NGF: variants seen among roughly 807,000 people sequenced by gnomAD.
The protein encoded by NGF is nerve growth factor.
In NGF, 4 loss-of-function variants were observed where a neutral mutation model predicts 12.8. The observed-to-expected ratio is 0.31, with a 90% CI of 0.15 to 0.72. The LOEUF is 0.72. Among genes scored for constraint, NGF ranks in the 30% least tolerant of loss-of-function variants. The pLI is 0.69. For missense variants in NGF, 283 were observed against 330.8 expected (o/e 0.86, Z 1.12); for synonymous variants, 140 against 130.0 (o/e 1.08, Z -0.52).
chr1:115,333,661 CTT>C (rs1011042958), intron 1 of NGF, among the ~76,000 whole-genome samples: 14 of 24,462 alleles, frequency 5.7e-4, no homozygotes, highest in African/African-American at 3.2e-3. Context: ...CTTTCTCTTT[CTT>C]TCTTTCTTTC....
At chr1:115,288,990 C>G (rs939735072) in intron 2 of NGF, among the ~76,000 whole-genome samples, 1 of 152,176 alleles carries the variant, frequency 6.6e-6, no homozygotes, top group Non-Finnish European at 1.5e-5. Flanking sequence ...TGGTGAGATA[C>G]CAAGAAGGAA....
intron 1 of NGF, among the ~76,000 whole-genome samples, chr1:115,324,590 G>A (rs1406639908): frequency 6.6e-6 from 1 of 152,040 alleles, no homozygotes; most frequent in Non-Finnish European, 1.5e-5. Flanking sequence ...GGACCCCTGA[G>A]CCCTTCAGCT....
At chr1:115,337,261 G>GTTTTTTT (rs368973980) in intron 1 of NGF, among the ~76,000 whole-genome samples, 16 of 11,762 alleles carry the variant, frequency 1.4e-3, no homozygotes, top group Non-Finnish European at 2.1e-3. Flanking sequence ...TTTTTGTTTT[G>GTTTTTTT]TTTTTGTTTT....
chr1:115,289,232 GTTC>G (rs1156659009), intron 2 of NGF, among the ~76,000 whole-genome samples: 2 of 152,168 alleles, frequency 1.3e-5, no homozygotes, highest in South Asian at 4.2e-4. Context: ...TCACTTCTTT[GTTC>G]TTCTCGGTAC....
At chr1:115,296,914 TA>T (rs1653889846) in intron 1 of NGF, among the ~76,000 whole-genome samples, 1 of 152,204 alleles carries the variant, frequency 6.6e-6, no homozygotes, top group South Asian at 2.1e-4. Flanking sequence ...GGTAATCACT[TA>T]AACAGAAATC....
chr1:115,336,847 C>T (rs1417016599), intron 1 of NGF, among the ~76,000 whole-genome samples: 1 of 152,196 alleles, frequency 6.6e-6, no homozygotes, highest in African/African-American at 2.4e-5. Flanking sequence ...TCTGCATTTG[C>T]AGAGTGCAGC....
intron 1 of NGF, among the ~76,000 whole-genome samples, chr1:115,318,806 C>T (rs551323562): frequency 1.3e-5 from 2 of 152,328 alleles, no homozygotes; most frequent in East Asian, 3.9e-4. Context: ...CTGCTCCCCA[C>T]TCCCAAACAT....
At chr1:115,326,526 T>C (rs995404621) in intron 1 of NGF, among the ~76,000 whole-genome samples, 5 of 152,184 alleles carry the variant, frequency 3.3e-5, no homozygotes, top group African/African-American at 1.2e-4. Flanking sequence ...CTCCTGGGAC[T>C]GGAACCTTGG....
At chr1:115,330,474 G>C (rs1041638429) in intron 1 of NGF, among the ~76,000 whole-genome samples, 2 of 152,152 alleles carry the variant, frequency 1.3e-5, no homozygotes, top group African/African-American at 2.4e-5. Flanking sequence ...AAGGTGTTGT[G>C]GTGACTCTAT....
At position 115,308,643 on chromosome 1, in the gene NGF, A is replaced by G. The variant is rs146685247; in HGVS notation, c.-136-14893T>C. ...TGAATGACTGTCATGGCCTTTTGTT[A>G]TAAGAGGATTAAACTTGTGTAGATT... On this transcript the variant is annotated intron_variant, in intron 1 of 2. Coordinates refer to ENST00000369512, the MANE Select transcript of NGF (RefSeq NM_002506.3). 2.1e-4 allele frequency among the ~76,000 whole-genome samples: 32 copies of G among 152,336 alleles called. No homozygotes were observed. In the East Asian group the frequency reaches 5.6e-3, roughly 27 times the overall value.
intron 1 of NGF, among the ~76,000 whole-genome samples, chr1:115,337,718 C>A (rs1166312587): frequency 2.0e-5 from 3 of 152,142 alleles, no homozygotes; most frequent in Non-Finnish European, 4.4e-5. Flanking sequence ...TACCTGGGGG[C>A]CGCGCAGCAC....
At chr1:115,296,778 C>T (rs1653883870) in intron 1 of NGF, among the ~76,000 whole-genome samples, 1 of 152,192 alleles carries the variant, frequency 6.6e-6, no homozygotes, top group Non-Finnish European at 1.5e-5. Context: ...TTTTTAGTCT[C>T]ATGCTGATGA....
At chr1:115,329,693 C>T (rs1328171293) in intron 1 of NGF, among the ~76,000 whole-genome samples, 1 of 151,464 alleles carries the variant, frequency 6.6e-6, no homozygotes, top group Non-Finnish European at 1.5e-5. Context: ...ATGAGAGTTG[C>T]ACACTAAGTT....
chr1:115,317,889 A>C (rs867969816), intron 1 of NGF, among the ~76,000 whole-genome samples: 1 of 152,240 alleles, frequency 6.6e-6, no homozygotes, highest in African/African-American at 2.4e-5. Context: ...AAGTATTTCA[A>C]TGTTAATAAG....
chr1:115,320,059 C>A (rs2101047317), intron 1 of NGF, among the ~76,000 whole-genome samples: 1 of 152,276 alleles, frequency 6.6e-6, no homozygotes, highest in Non-Finnish European at 1.5e-5. Flanking sequence ...GCCCCAAGGT[C>A]CAAGTCACTT....
At chr1:115,286,834 C>G in intron 2 of NGF, 27 bp from the exon 3 acceptor site, 1 of 1,613,560 alleles carries the variant, frequency 6.2e-7, no homozygotes, top group Non-Finnish European at 8.5e-7. Context: ...ATGAGGGTGA[C>G]TTCATGGAGT....
intron 1 of NGF, among the ~76,000 whole-genome samples, chr1:115,304,601 A>G (rs998253675): frequency 6.6e-6 from 1 of 151,944 alleles, no homozygotes; most frequent in African/African-American, 2.4e-5. Context: ...GAGTTTTTCA[A>G]TTTCTTCACA....
At chr1:115,298,741 G>A (rs1342627265) in intron 1 of NGF, among the ~76,000 whole-genome samples, 1 of 151,934 alleles carries the variant, frequency 6.6e-6, no homozygotes, top group Non-Finnish European at 1.5e-5. Flanking sequence ...CTTAATGATA[G>A]GCCAACCCAC....
At chr1:115,298,983 C>T (rs1417698281) in intron 1 of NGF, among the ~76,000 whole-genome samples, 1 of 152,118 alleles carries the variant, frequency 6.6e-6, no homozygotes, top group Non-Finnish European at 1.5e-5. Context: ...AGTCCTTACC[C>T]TGAGTCTGTG....
Sources: gnomAD v4.1 joint callset for allele counts (sites outside exome capture counted in the v4.1 genomes callset) on GRCh38, gnomAD v4.1.1 for gene constraint, MANE v1.5 for transcripts, NCBI Gene and HGNC (gene_info 2026-07-23, HGNC 2026-07-21) for gene names.